The following IPMK variants were observed in gnomAD, a reference collection of about 807,000 sequenced individuals.
IPMK encodes inositol polyphosphate multikinase, also known as inositol 1,3,4,6-tetrakisphosphate 5-kinase.
A neutral mutation model predicts 45.8 loss-of-function variants in IPMK; 17 were observed. That is an observed-to-expected ratio of 0.37 (90% CI 0.25 to 0.56). The LOEUF is 0.56. IPMK is among the 20% of genes least tolerant of loss of function. IPMK has a pLI of 0.79. For missense variants in IPMK, 399 were observed against 498.0 expected, an observed-to-expected ratio of 0.80 and a Z score of 1.89; for synonymous variants, 180 against 184.3, an observed-to-expected ratio of 0.98 and a Z score of 0.19.
chr10:58,232,066 CAA>C (rs1838531942), intron 2 of IPMK, among the ~76,000 whole-genome samples: 1 of 152,164 alleles, frequency 6.6e-6, no homozygotes, highest in African/African-American at 2.4e-5. Flanking sequence ...CAACAAAGAT[CAA>C]AAGAGACAAA....
Position 58,196,305 on chromosome 10 carries a change from T to A in IPMK, c.1022A>T (p.Glu341Val), listed in dbSNP as rs1205504723. The change falls in exon 6 of 6, where the codon GAG becomes GTG. Residue 341 changes from glutamate to valine, a missense_variant. By Grantham distance (121) the Glu-to-Val change is moderately radical. Coordinates refer to ENST00000373935, the MANE Select transcript of IPMK (RefSeq NM_152230.5). ...SQTSLKVENL[E>V]QDNGWKSMSQ... ...CATGCTTTTCCACCCATTGTCTTGC[T>A]CCAGATTTTCAACTTTCAATGAAGT... 1 of 1,614,104 alleles carries A rather than the reference T, an allele frequency of 6.2e-7. No individual in the cohort carries two copies. Among genetic ancestry groups the A allele is most frequent in the East Asian group, 2.2e-5 (1 of 44,886 alleles).
chr10:58,253,754 A>AAAAAAAAAAAAAAAG (rs1838921566), intron 1 of IPMK, among the ~76,000 whole-genome samples: 1 of 143,418 alleles, frequency 7.0e-6, no homozygotes, highest in African/African-American at 2.7e-5. Context: ...AAAAAAAGAA[A>AAAAAAAAAAAAAAAG]AAAAAAGAAA....
intron 1 of IPMK, among the ~76,000 whole-genome samples, chr10:58,258,232 C>G (rs1839002402): frequency 6.6e-6 from 1 of 152,144 alleles, no homozygotes; most frequent in African/African-American, 2.4e-5. Flanking sequence ...ATTGCTTGAA[C>G]CCAGGAGGTG....
intron 4 of IPMK, among the ~76,000 whole-genome samples, chr10:58,203,240 G>A (rs1306423807): frequency 2.0e-5 from 3 of 152,216 alleles, no homozygotes; most frequent in Non-Finnish European, 4.4e-5. Flanking sequence ...AATTAAGACT[G>A]AAGGCTGAAG....
intron 4 of IPMK, among the ~76,000 whole-genome samples, chr10:58,202,388 G>C (rs1564527635): frequency 6.6e-6 from 1 of 152,128 alleles, no homozygotes; most frequent in Non-Finnish European, 1.5e-5. Context: ...GAATTATGCT[G>C]AATCTCCCAG....
chr10:58,250,749 C>A (rs1025177307), intron 1 of IPMK, among the ~76,000 whole-genome samples: 3 of 152,144 alleles, frequency 2.0e-5, no homozygotes, highest in African/African-American at 4.8e-5. Flanking sequence ...TCCTTGTCTT[C>A]TTCTAAGATT....
intron 1 of IPMK, among the ~76,000 whole-genome samples, chr10:58,246,548 TG>T (rs1838803835): frequency 7.4e-6 from 1 of 134,408 alleles, no homozygotes; most frequent in Non-Finnish European, 1.5e-5. Flanking sequence ...AAACAAGCAA[TG>T]GGGAAAGGAT....
chr10:58,218,340 T>C (rs1427144097), intron 3 of IPMK, among the ~76,000 whole-genome samples: 2 of 152,198 alleles, frequency 1.3e-5, no homozygotes, highest in East Asian at 3.9e-4. Flanking sequence ...CCCAAGCTTC[T>C]GTGTCTAAAA....
At chr10:58,254,609 C>T (rs1838937334) in intron 1 of IPMK, among the ~76,000 whole-genome samples, 2 of 152,210 alleles carry the variant, frequency 1.3e-5, no homozygotes, top group South Asian at 4.1e-4. Context: ...TGGATTTTCA[C>T]AATCCTTGCA....
intron 3 of IPMK, among the ~76,000 whole-genome samples, chr10:58,225,764 G>C (rs924683717): frequency 6.6e-6 from 1 of 152,066 alleles, no homozygotes; most frequent in African/African-American, 2.4e-5. Context: ...TTGGAATCTA[G>C]ATACTGTACC....
At chr10:58,218,993 G>A (rs1838290439) in intron 3 of IPMK, among the ~76,000 whole-genome samples, 1 of 152,144 alleles carries the variant, frequency 6.6e-6, no homozygotes, top group African/African-American at 2.4e-5. Context: ...CAGTAAATAG[G>A]GATGAATATC....
At chr10:58,220,314 T>A (rs1244356881) in intron 3 of IPMK, among the ~76,000 whole-genome samples, 3 of 152,206 alleles carry the variant, frequency 2.0e-5, no homozygotes, top group African/African-American at 7.2e-5. Flanking sequence ...CATCTTAGAC[T>A]CAGATGCATG....
chr10:58,248,043 T>C (rs1838827966), intron 1 of IPMK, among the ~76,000 whole-genome samples: 1 of 152,120 alleles, frequency 6.6e-6, no homozygotes, highest in Non-Finnish European at 1.5e-5. Context: ...CATCCTTCTA[T>C]GATTATGCAA....
intron 4 of IPMK, among the ~76,000 whole-genome samples, chr10:58,210,580 T>C (rs936169163): frequency 1.3e-5 from 2 of 152,204 alleles, no homozygotes; most frequent in African/African-American, 2.4e-5. Context: ...ATGTGAAATA[T>C]AGTCAGGGAT....
intron 1 of IPMK, among the ~76,000 whole-genome samples, chr10:58,256,741 A>C (rs1187803457): frequency 4.0e-5 from 6 of 151,724 alleles, no homozygotes; most frequent in South Asian, 2.1e-4. Context: ...CTCTCTTTGT[A>C]CTCTTTCTCT....
intron 3 of IPMK, among the ~76,000 whole-genome samples, chr10:58,223,222 A>G (rs558337348): frequency 1.3e-5 from 2 of 152,356 alleles, no homozygotes; most frequent in South Asian, 4.1e-4. Context: ...TTTAACATAC[A>G]TAATTAAATA....
At chr10:58,201,962 T>C (rs888483165) in intron 4 of IPMK, among the ~76,000 whole-genome samples, 2 of 152,210 alleles carry the variant, frequency 1.3e-5, no homozygotes, top group African/African-American at 4.8e-5. Context: ...GGTAAGACTC[T>C]CTTCAATTCT....
At chr10:58,211,222 C>T (rs1277631862) in intron 4 of IPMK, among the ~76,000 whole-genome samples, 1 of 149,314 alleles carries the variant, frequency 6.7e-6, no homozygotes, top group East Asian at 2.0e-4. Context: ...GACAGAGTCT[C>T]GCTCTGTCAC....
intron 4 of IPMK, 52 bp downstream of exon 4, chr10:58,216,093 G>T: frequency 4.3e-6 from 5 of 1,169,562 alleles, no homozygotes; most frequent in Non-Finnish European, 5.8e-6. Flanking sequence ...TAATTTTCAA[G>T]GGAAGAACAT....
Sources: allele counts gnomAD v4.1 joint callset (sites outside exome capture counted in the v4.1 genomes callset), GRCh38; gene constraint gnomAD v4.1.1; transcripts MANE v1.5; gene names NCBI Gene and HGNC (gene_info 2026-07-23, HGNC 2026-07-21).